Variants in IL1A observed in about 807,000 individuals in gnomAD.
The protein encoded by IL1A is interleukin 1 alpha.
In IL1A, 16 loss-of-function variants were observed where a neutral mutation model predicts 22.2. The ratio of observed to expected loss-of-function variants is 0.72; its 90% confidence interval spans 0.49 to 1.09. The LOEUF is 1.09. IL1A is among the 50% of genes least tolerant of loss of function. The probability of loss-of-function intolerance (pLI) is 0.00; values close to 1 mark genes in which losing one functional copy is unlikely to be tolerated. For missense variants in IL1A, 317 were observed against 321.8 expected (o/e 0.99, Z 0.11); for synonymous variants, 113 against 118.5 (o/e 0.95, Z 0.30).
chr2:112,774,945 T>C lies in IL1A; in HGVS notation c.*122A>G. 1.4e-6 allele frequency: 1 copy of C among 703,662 alleles called. No homozygotes were observed. The highest frequency in any genetic ancestry group is 2.7e-5 in the East Asian group (1 of 37,116). 43.6% of individuals were successfully genotyped at this position (703,662 alleles called of 1,614,324 possible). On this transcript the variant is annotated 3_prime_UTR_variant, in exon 7 of 7. Transcript: ENST00000263339. Reference sequence around the variant, plus strand: ...CTTACAAAGAGTGTAAACATTCATTTAGAATTACAAGGCTCAGTACATGCT... The same window carrying C: ...CTTACAAAGAGTGTAAACATTCATTCAGAATTACAAGGCTCAGTACATGCT...
chr2:112,779,687 G>T, intron 4 of IL1A, 21 bp from the exon 5 acceptor site: 8 of 1,574,592 alleles, frequency 5.1e-6, no homozygotes, highest in Non-Finnish European at 7.0e-6. Flanking sequence ...GATCACAAGT[G>T]CAGATTAATG....
Position 112,778,194 on chromosome 2 carries a change from GT to G in IL1A, c.491-84del, listed in dbSNP as rs1681134057. ...TGTTGATGTAGATTGTGTGTGCATGGTGTGTGTGTGTGTGTGTGTGTGTGTG... is the reference window on the plus strand; with the variant it reads ...TGTTGATGTAGATTGTGTGTGCATGGGTGTGTGTGTGTGTGTGTGTGTGTG... On this transcript the variant is annotated intron_variant, in intron 5 of 6. Coordinates refer to ENST00000263339, the MANE Select transcript of IL1A (RefSeq NM_000575.5). The G allele has an allele frequency of 2.6e-3, 229 of 88,878 alleles. 1 individual carries two copies. The South Asian group carries it at 0.031, about 12-fold the overall frequency. 5.5% of individuals were successfully genotyped at this position (88,878 alleles called of 1,614,324 possible). A position where few individuals can be genotyped will look rare whatever the true frequency, so the allele number is the denominator to read the frequency against.
At position 112,775,016 on chromosome 2, in the gene IL1A, G is replaced by T; in HGVS notation, c.*51C>A. 7.1e-7 allele frequency: 1 copy of T among 1,409,168 alleles called. No homozygotes were observed. The highest frequency in any genetic ancestry group is 1.0e-6 in the Non-Finnish European group (1 of 995,878). The allele number at this position is 1,409,168 out of a possible 1,614,324, so 87.3% of individuals were successfully genotyped here. Reference sequence around the variant, plus strand: ...AGGATTTAGCTTCTTCATGTACATGGTACATATGAACTGTCAACACTGCAC... The same window carrying T: ...AGGATTTAGCTTCTTCATGTACATGTTACATATGAACTGTCAACACTGCAC... On this transcript the variant is annotated 3_prime_UTR_variant, in exon 7 of 7. Coordinates refer to ENST00000263339, the MANE Select transcript of IL1A (RefSeq NM_000575.5).
At chr2:112,775,332 C>T (rs933567628) in intron 6 of IL1A, 65 bp from the exon 7 acceptor site, 1 of 1,335,220 alleles carries the variant, frequency 7.5e-7, no homozygotes, top group Non-Finnish European at 1.1e-6. Context: ...GAAGCTCAAT[C>T]CCTTAGCATT....
In IL1A at chr2:112,774,828, G is replaced by T. The variant is rs572706669; in HGVS notation, c.*239C>A. On this transcript the variant is annotated 3_prime_UTR_variant, in exon 7 of 7. Coordinates refer to ENST00000263339, the MANE Select transcript of IL1A (RefSeq NM_000575.5). Reference sequence around the variant, plus strand: ...CAGTAGCTCTGGTCCTCCTAAAATTGTTATGAAGAATAATAATTAAAATGA... The same window carrying T: ...CAGTAGCTCTGGTCCTCCTAAAATTTTTATGAAGAATAATAATTAAAATGA... The T allele has an allele frequency of 3.7e-4, 149 of 405,226 alleles. No individual in the cohort carries two copies. Among genetic ancestry groups the T allele is most frequent in the African/African-American group, 2.7e-3 (136 of 50,530 alleles). The allele number at this position is 405,226 out of a possible 1,614,324, so 25.1% of individuals were successfully genotyped here. A position where few individuals can be genotyped will look rare whatever the true frequency, so the allele number is the denominator to read the frequency against.
intron 2 of IL1A, among the ~76,000 whole-genome samples, chr2:112,783,517 G>A (rs982126077): frequency 1.3e-5 from 2 of 152,096 alleles, no homozygotes; most frequent in East Asian, 1.9e-4. Context: ...CTAAAATGGC[G>A]GTCTCCCTGC....
chr2:112,780,573 T>C (rs1395676611), intron 4 of IL1A, among the ~76,000 whole-genome samples: 2 of 152,200 alleles, frequency 1.3e-5, no homozygotes, highest in African/African-American at 4.8e-5. Context: ...GATTTGAGGC[T>C]CTCCCACTTA....
intron 6 of IL1A, 124 bp from the exon 7 acceptor site, chr2:112,775,391 C>T: frequency 1.5e-6 from 1 of 669,528 alleles, no homozygotes. Flanking sequence ...TAACATGATG[C>T]TATAGGCTCT....
intron 4 of IL1A, 49 bp downstream of exon 4, chr2:112,781,555 A>G: frequency 7.1e-7 from 1 of 1,409,490 alleles, no homozygotes; most frequent in Non-Finnish European, 1.0e-6. Context: ...TACTGTCCCT[A>G]CTTGCTTAAA....
At position 112,775,165 on chromosome 2, in the gene IL1A, G is replaced by A. The variant is rs750076678; in HGVS notation, c.718C>T (p.Pro240Ser). 1.2e-6 allele frequency: 2 copies of A among 1,614,180 alleles called. No homozygotes were observed. Among genetic ancestry groups the A allele is most frequent in the Admixed American group, 3.3e-5 (2 of 60,028 alleles). Residue 240 changes from proline to serine, a missense_variant, in exon 7 of 7, where the codon CCA (proline) becomes TCA (serine). By Grantham distance (74) the Pro-to-Ser change is moderately conservative. Transcript: ENST00000263339. ...TKNYFTSVAH[P>S]NLFIATKQDY... The stretch of plus-strand genomic sequence containing the variant: ...TGCTTTGTGGCAATAAACAAGTTTG[G>A]ATGGGCAACTGATGTGAAATAGTTC...
In IL1A at chr2:112,775,063, A is replaced by C; in HGVS notation, c.*4T>G. On this transcript the variant is annotated 3_prime_UTR_variant, in exon 7 of 7. Coordinates refer to ENST00000263339, the MANE Select transcript of IL1A (RefSeq NM_000575.5). ...GCACAAGTGAGACAAGTGAGACTCC[A>C]GACCTACGCCTGGTTTTCCAGTATC... 1 of 1,612,656 alleles carries C rather than the reference A, an allele frequency of 6.2e-7. No homozygotes were observed. The highest frequency in any genetic ancestry group is 1.1e-5 in the South Asian group (1 of 91,034).
At chr2:112,780,730 T>C (rs936098463) in intron 4 of IL1A, among the ~76,000 whole-genome samples, 1 of 79,280 alleles carries the variant, frequency 1.3e-5, no homozygotes, top group African/African-American at 6.1e-5. Flanking sequence ...TAGGTAGTAG[T>C]AGTAGTAATA....
At chr2:112,783,844 G>T in intron 1 of IL1A, 66 bp from the exon 2 acceptor site, 1 of 1,386,290 alleles carries the variant, frequency 7.2e-7, no homozygotes, top group Non-Finnish European at 1.0e-6. Flanking sequence ...TGTGAGGGGA[G>T]CCCCTCCTCT....
intron 6 of IL1A, among the ~76,000 whole-genome samples, 154 bp from the exon 7 acceptor site, chr2:112,775,421 G>A (rs1681083735): frequency 6.6e-6 from 1 of 152,170 alleles, no homozygotes; most frequent in South Asian, 2.1e-4. Flanking sequence ...TGTTCATTCA[G>A]CAAGCATTTA....
At chr2:112,778,981 T>C (rs1039867821) in intron 5 of IL1A, among the ~76,000 whole-genome samples, 12 of 152,214 alleles carry the variant, frequency 7.9e-5, no homozygotes, top group African/African-American at 2.2e-4. Context: ...ATAAAAGTTT[T>C]TGGACACTAA....
chr2:112,778,193 G>GGTGTGT (rs3074430), intron 5 of IL1A, 82 bp from the exon 6 acceptor site: 18,462 of 661,310 alleles, frequency 0.028, 186 homozygotes, highest in African/African-American at 0.054. Flanking sequence ...GTGTGTGCAT[G>GGTGTGT]GTGTGTGTGT....
At chr2:112,784,146 C>T (rs1681260809) in intron 1 of IL1A, among the ~76,000 whole-genome samples, 1 of 152,160 alleles carries the variant, frequency 6.6e-6, no homozygotes, top group East Asian at 1.9e-4. Flanking sequence ...CAATTTTCTC[C>T]TAATAATTTT....
intron 3 of IL1A, 72 bp downstream of exon 3, chr2:112,782,644 G>T: frequency 2.8e-6 from 3 of 1,090,892 alleles, no homozygotes; most frequent in Non-Finnish European, 4.2e-6. Context: ...TCAAGTCATT[G>T]CTGTTCTCTT....
intron 4 of IL1A, 131 bp downstream of exon 4, chr2:112,781,473 G>A (rs942314122): frequency 2.6e-6 from 2 of 755,150 alleles, no homozygotes; most frequent in Admixed American, 2.1e-5. Flanking sequence ...ATTTTCCTCT[G>A]TATAGTTACC....
Sources: gnomAD v4.1 joint callset for allele counts (sites outside exome capture counted in the v4.1 genomes callset) on GRCh38, gnomAD v4.1.1 for gene constraint, MANE v1.5 for transcripts, NCBI Gene and HGNC (gene_info 2026-07-23, HGNC 2026-07-21) for gene names.